ZDHHC11B: variants seen among roughly 807,000 people sequenced by gnomAD.
ZDHHC11B encodes probable palmitoyltransferase ZDHHC11B.
In ZDHHC11B, 17 loss-of-function variants were observed where a neutral mutation model predicts 42.3. That is an observed-to-expected ratio of 0.40 (90% CI 0.27 to 0.60). The LOEUF (loss-of-function observed/expected upper bound fraction) is 0.60. Among genes scored for constraint, ZDHHC11B ranks in the 20% least tolerant of loss-of-function variants. The pLI, the probability that ZDHHC11B is intolerant of heterozygous loss-of-function variation, is 0.41. For missense variants in ZDHHC11B, 262 were observed against 463.2 expected, an observed-to-expected ratio of 0.57 and a Z score of 3.99; for synonymous variants, 123 against 193.5, an observed-to-expected ratio of 0.64 and a Z score of 3.02.
chr5:751,429 G>A (rs868021047), intron 6 of ZDHHC11B, among the ~76,000 whole-genome samples, 172 bp from the exon 7 acceptor site: 11 of 41,234 alleles, frequency 2.7e-4, no homozygotes, highest in African/African-American at 4.2e-4. Context: ...AGGTGTGGGG[G>A]CGGGGAGGCA....
At chr5:758,990 A>G (rs1734218922) in intron 4 of ZDHHC11B, among the ~76,000 whole-genome samples, 1 of 151,876 alleles carries the variant, frequency 6.6e-6, no homozygotes, top group African/African-American at 2.4e-5. Context: ...GAGCCCCGGG[A>G]TAGAGATGAC....
chr5:740,166 T>C (rs1744012228), intron 10 of ZDHHC11B, among the ~76,000 whole-genome samples: 2 of 124,764 alleles, frequency 1.6e-5, no homozygotes, highest in Admixed American at 1.7e-4. Flanking sequence ...AGACTACACA[T>C]TGAGTACTGT....
intron 12 of ZDHHC11B, among the ~76,000 whole-genome samples, chr5:721,581 G>C (rs1460209887): frequency 6.6e-6 from 1 of 151,412 alleles, no homozygotes; most frequent in Non-Finnish European, 1.5e-5. Flanking sequence ...GGGATGTGAG[G>C]TTAAGCACAA....
chr5:716,092 T>A (rs56129400), intron 13 of ZDHHC11B, among the ~76,000 whole-genome samples: 18,813 of 149,246 alleles, frequency 0.13, 1,583 homozygotes, highest in Non-Finnish European at 0.19. Context: ...TGCTTTGCCT[T>A]GGAAAGCCAA....
chr5:780,889 C>T (rs1437684351), intron 1 of ZDHHC11B, among the ~76,000 whole-genome samples: 2 of 151,562 alleles, frequency 1.3e-5, no homozygotes, highest in Non-Finnish European at 2.9e-5. Flanking sequence ...GGCCGGTGTG[C>T]GCAGGAGAGG....
chr5:777,018 A>G (rs447545), intron 1 of ZDHHC11B, among the ~76,000 whole-genome samples: 8,164 of 151,056 alleles, frequency 0.054, 600 homozygotes, highest in East Asian at 0.21. Flanking sequence ...CCCCTGCAGC[A>G]CAGGACGCAG....
At chr5:744,844 C>A (rs1405736472) in intron 9 of ZDHHC11B, among the ~76,000 whole-genome samples, 6 of 148,538 alleles carry the variant, frequency 4.0e-5, no homozygotes, top group Admixed American at 1.4e-4. Context: ...TCACTCCACC[C>A]TGGGCAACAG....
chr5:780,389 T>A (rs1442780229), intron 1 of ZDHHC11B, among the ~76,000 whole-genome samples: 6 of 151,060 alleles, frequency 4.0e-5, no homozygotes, highest in Non-Finnish European at 8.8e-5. Flanking sequence ...GGCATCCCCG[T>A]GGGAGTGTGG....
intron 1 of ZDHHC11B, among the ~76,000 whole-genome samples, chr5:779,087 A>G (rs1387140796): frequency 5.9e-5 from 9 of 151,280 alleles, no homozygotes; most frequent in Admixed American, 5.9e-4. Flanking sequence ...ATCATTTCAT[A>G]AATTACCATG....
At chr5:732,042 C>T (rs781520162) in intron 11 of ZDHHC11B, 12 of 152,292 alleles carry the variant, frequency 7.9e-5, no homozygotes, top group Non-Finnish European at 1.2e-4. Flanking sequence ...TTCCATTCAT[C>T]GAGTCAGGGT....
At chr5:752,712 G>A (rs1209593712) in intron 6 of ZDHHC11B, among the ~76,000 whole-genome samples, 1 of 94,650 alleles carries the variant, frequency 1.1e-5, no homozygotes, top group African/African-American at 3.0e-5. Context: ...GGGCGTGAGC[G>A]GCTCCCTGAC....
chr5:727,291 C>A (rs1329055278), intron 12 of ZDHHC11B, among the ~76,000 whole-genome samples: 1 of 134,744 alleles, frequency 7.4e-6, no homozygotes, highest in Non-Finnish European at 1.7e-5. Flanking sequence ...CTTCCATCCT[C>A]TGCCCACCTG....
rs189102051 is a variant in ZDHHC11B, at chr5:742,558, G to A, written c.901-930C>T. Reference sequence around the variant, plus strand: ...CAAGTATGTCGGCGCCATTTTCCCCGCAGTGTGTGCTCACTTCAAGCGTCT... The same window carrying A: ...CAAGTATGTCGGCGCCATTTTCCCCACAGTGTGTGCTCACTTCAAGCGTCT... On this transcript the variant is annotated intron_variant, in intron 9 of 13. Coordinates refer to ENST00000508859, the MANE Select transcript of ZDHHC11B (RefSeq NM_001351303.2). Among the ~76,000 whole-genome samples, 152 of 146,684 alleles carry A rather than the reference G, an allele frequency of 1.0e-3. 6 individuals are homozygous for A. Among genetic ancestry groups the A allele is most frequent in the Non-Finnish European group, 1.1e-3 (71 of 66,886 alleles).
chr5:747,949 A>G, intron 8 of ZDHHC11B: 1 of 347,380 alleles, frequency 2.9e-6, no homozygotes, highest in Non-Finnish European at 5.1e-6. Context: ...AAGCAAGACC[A>G]CCAGCTCTCG....
chr5:723,558 A>G (rs1382764547), intron 12 of ZDHHC11B, among the ~76,000 whole-genome samples: 5 of 109,868 alleles, frequency 4.6e-5, no homozygotes, highest in African/African-American at 1.2e-4. Context: ...TCCTGTGAAG[A>G]GTGAGAGAGG....
intron 5 of ZDHHC11B, among the ~76,000 whole-genome samples, chr5:755,550 G>A (rs1182240763): frequency 6.8e-6 from 1 of 146,954 alleles, no homozygotes; most frequent in Non-Finnish European, 1.5e-5. Flanking sequence ...TGGAGACACT[G>A]GAACCCTTAC....
intron 4 of ZDHHC11B, among the ~76,000 whole-genome samples, chr5:757,239 G>A (rs1289182745): frequency 1.3e-5 from 2 of 151,960 alleles, no homozygotes; most frequent in African/African-American, 4.8e-5. Context: ...GGCCCTCACA[G>A]TGTGGCCTAA....
At chr5:732,412 C>T (rs1294362256) in intron 11 of ZDHHC11B, 6 of 307,602 alleles carry the variant, frequency 2.0e-5, no homozygotes, top group South Asian at 2.9e-5. Context: ...CGTGGACAAT[C>T]GCAGGCAGAG....
chr5:748,702 C>T (rs1277271335), intron 7 of ZDHHC11B, 143 bp from the exon 8 acceptor site: 1 of 1,026,838 alleles, frequency 9.7e-7, no homozygotes, highest in African/African-American at 1.5e-5. Context: ...CTGGTGGACA[C>T]CTTCCTTACC....
Sources: gnomAD v4.1 joint callset for allele counts (sites outside exome capture counted in the v4.1 genomes callset) on GRCh38, gnomAD v4.1.1 for gene constraint, MANE v1.5 for transcripts, NCBI Gene and HGNC (gene_info 2026-07-23, HGNC 2026-07-21) for gene names.